PPP1R27: variants seen among roughly 807,000 people sequenced by gnomAD.
The protein encoded by PPP1R27 is dysferlin interacting protein 1.
PPP1R27 carries 10 observed loss-of-function variants against 12.0 expected under a neutral mutation model. The ratio of observed to expected loss-of-function variants is 0.84; its 90% CI spans 0.52 to 1.42. The LOEUF (loss-of-function observed/expected upper bound fraction) is 1.42. Among genes scored for constraint, PPP1R27 ranks in the 40% most tolerant of loss-of-function variants. The probability of loss-of-function intolerance (pLI) is 0.00; values close to 1 mark genes in which losing one functional copy is unlikely to be tolerated. For synonymous variants in PPP1R27, 98 were observed against 89.3 expected, an observed-to-expected ratio of 1.10 and a Z score of -0.55; for missense variants, 246 against 215.3, an observed-to-expected ratio of 1.14 and a Z score of -0.89.
At position 81,833,616 on chromosome 17, in the gene PPP1R27, G is replaced by C; in HGVS notation, c.*113C>G. On this transcript the variant is annotated 3_prime_UTR_variant, in exon 3 of 3. Coordinates refer to ENST00000330261, the MANE Select transcript of PPP1R27 (RefSeq NM_001007533.4). ...TAGGAGGGGTGGCGGGGTCGTGGAG[G>C]GACGGGTCCGGCCGCCCCTGGCCCA... 2 of 1,157,300 alleles carry C rather than the reference G, an allele frequency of 1.7e-6. No homozygotes were observed. The highest frequency in any genetic ancestry group is 1.6e-5 in the South Asian group (1 of 62,984). 71.7% of individuals were successfully genotyped at this position (1,157,300 alleles called of 1,614,324 possible).
rs1476826308 is a variant in PPP1R27 at position 81,834,995 on chromosome 17, C to T, written c.-42G>A. On this transcript the variant is annotated 5_prime_UTR_variant, in exon 1 of 3. Coordinates refer to ENST00000330261, the MANE Select transcript of PPP1R27 (RefSeq NM_001007533.4). ...CAGGTTGCCCCTGGGGACCCTACTGCACTGGGGTTAATAATGTATCCGGTC... is the reference window on the plus strand; with the variant it reads ...CAGGTTGCCCCTGGGGACCCTACTGTACTGGGGTTAATAATGTATCCGGTC... 6 of 1,522,350 alleles carry T rather than the reference C, an allele frequency of 3.9e-6. No individual in the cohort carries two copies. In the African/African-American group the frequency reaches 4.1e-5, roughly 10 times the overall value. The allele number at this position is 1,522,350 out of a possible 1,614,324, so 94.3% of individuals were successfully genotyped here. A position where few individuals can be genotyped will look rare whatever the true frequency, so the allele number is the denominator to read the frequency against.
rs1025391127 is a variant in PPP1R27, at chr17:81,833,569, C to A, written c.*160G>T. 6 of 698,526 alleles carry A rather than the reference C, an allele frequency of 8.6e-6. No homozygotes were observed. The highest frequency in any genetic ancestry group is 7.4e-5 in the African/African-American group (4 of 54,090). 43.3% of individuals were successfully genotyped at this position (698,526 alleles called of 1,614,324 possible). ...GTAAAAAGTGTCACAGTAAAAAATT[C>A]ACCTGGGGACAAAGCCAGGCCTAGG... On this transcript the variant is annotated 3_prime_UTR_variant, in exon 3 of 3. Coordinates refer to ENST00000330261, the MANE Select transcript of PPP1R27 (RefSeq NM_001007533.4).
intron 2 of PPP1R27, 195 bp from the exon 3 acceptor site, chr17:81,834,047 A>T: frequency 1.6e-6 from 1 of 609,610 alleles, no homozygotes; most frequent in Non-Finnish European, 2.8e-6. Context: ...GGTTCTATTG[A>T]GGACAAAGGC....
At position 81,833,545 on chromosome 17, in the gene PPP1R27, T is replaced by C. The variant is rs913578721; in HGVS notation, c.*184A>G. ...CTGGGAGTCACGTTTATTGAAAAAG[T>C]AAAAAGTGTCACAGTAAAAAATTCA... On this transcript the variant is annotated 3_prime_UTR_variant, in exon 3 of 3. Transcript: ENST00000330261. 8 of 608,086 alleles carry C rather than the reference T, an allele frequency of 1.3e-5. No individual in the cohort carries two copies. The highest frequency in any genetic ancestry group is 1.9e-5 in the African/African-American group (1 of 52,352). The allele number at this position is 608,086 out of a possible 1,614,324, so 37.7% of individuals were successfully genotyped here.
rs2038588951 is a variant in PPP1R27, at chr17:81,834,583, C to A, written c.261G>T (p.Gly87=). 1.9e-6 allele frequency: 3 copies of A among 1,614,200 alleles called. No homozygotes were observed. The East Asian group carries it at 6.7e-5, about 36-fold the overall frequency. Reference sequence around the variant, plus strand: ...CCTCATCTCGCTGGTGAATGTCAGCCCCGTATTTGACCAGCAGCTTCACGC... The same window carrying A: ...CCTCATCTCGCTGGTGAATGTCAGCACCGTATTTGACCAGCAGCTTCACGC... The part of the protein sequence containing the change: ...LECVKLLVKY[G]ADIHQRDEAG... Residue 87 remains glycine, a synonymous_variant, in exon 2 of 3, where the codon GGG becomes GGT. Transcript: ENST00000330261.
Position 81,835,017 on chromosome 17 carries a change from G to T in PPP1R27, c.-64C>A. On this transcript the variant is annotated 5_prime_UTR_variant, in exon 1 of 3. Transcript: ENST00000330261. ...CTGCACTGGGGTTAATAATGTATCC[G>T]GTCCCGACCAGATCAGCTTGAGGGC... 2 of 1,444,392 alleles carry T rather than the reference G, an allele frequency of 1.4e-6. No homozygotes were observed. The highest frequency in any genetic ancestry group is 1.4e-5 in the South Asian group (1 of 71,288). 89.5% of individuals were successfully genotyped at this position (1,444,392 alleles called of 1,614,324 possible).
intron 2 of PPP1R27, 53 bp downstream of exon 2, chr17:81,834,450 C>T (rs1426507565): frequency 6.3e-7 from 1 of 1,587,748 alleles, no homozygotes; most frequent in Non-Finnish European, 8.6e-7. Flanking sequence ...TGGGGACCCA[C>T]TGAGGCCCGG....
At position 81,834,653 on chromosome 17, in the gene PPP1R27, C is replaced by T; in HGVS notation, c.191G>A (p.Gly64Asp). 6.2e-7 allele frequency: 1 copy of T among 1,614,056 alleles called. No individual in the cohort carries two copies. Among genetic ancestry groups the T allele is most frequent in the Non-Finnish European group, 8.5e-7 (1 of 1,180,004 alleles). The change falls in exon 2 of 3, where the codon GGC (glycine) becomes GAC (aspartate). Residue 64 changes from glycine to aspartate, a missense_variant and splice_region_variant. By Grantham distance (94) the Gly-to-Asp change is moderately conservative (BLOSUM62 -1). Coordinates refer to ENST00000330261, the MANE Select transcript of PPP1R27 (RefSeq NM_001007533.4). Reference protein sequence around the residue: ...KVSLATIHPSGLAALHEAVLS... With the variant: ...KVSLATIHPSDLAALHEAVLS... ...CACGGCTTCATGCAAGGCGGCCAGG[C>T]CTGGGCAGGGAGGACGGGAGGGGTC...
At chr17:81,834,402 GCCGACA>G in intron 2 of PPP1R27, 95 bp downstream of exon 2, 1 of 1,396,824 alleles carries the variant, frequency 7.2e-7, no homozygotes, top group Non-Finnish European at 9.8e-7. Context: ...TAGGGTTCTT[GCCGACA>G]CCACCCGGGC....
chr17:81,834,973 G>A lies in PPP1R27; in HGVS notation c.-20C>T. ...AGGCATCTTGGGCGCTGTGGGGCAG[G>A]TTGCCCCTGGGGACCCTACTGCACT... On this transcript the variant is annotated 5_prime_UTR_variant, in exon 1 of 3. Coordinates refer to ENST00000330261, the MANE Select transcript of PPP1R27 (RefSeq NM_001007533.4). 6.3e-7 allele frequency: 1 copy of A among 1,575,652 alleles called. No homozygotes were observed. The highest frequency in any genetic ancestry group is 8.6e-7 in the Non-Finnish European group (1 of 1,162,686).
Position 81,834,594 on chromosome 17 carries a change from C to A in PPP1R27, c.250G>T (p.Val84Phe). The change falls in exon 2 of 3, where the codon GTC becomes TTC. Residue 84 changes from valine (V) to phenylalanine (F), a missense_variant. By Grantham distance (50) the Val-to-Phe change is conservative. Coordinates refer to ENST00000330261, the MANE Select transcript of PPP1R27 (RefSeq NM_001007533.4). ...SGNLECVKLLVKYGADIHQRD... is the reference protein window; with the variant it reads ...SGNLECVKLLFKYGADIHQRD... ...TGGTGAATGTCAGCCCCGTATTTGACCAGCAGCTTCACGCATTCCAGGTTT... is the reference window on the plus strand; with the variant it reads ...TGGTGAATGTCAGCCCCGTATTTGAACAGCAGCTTCACGCATTCCAGGTTT... 6.2e-7 allele frequency: 1 copy of A among 1,614,214 alleles called. No individual in the cohort carries two copies. The highest frequency in any genetic ancestry group is 8.5e-7 in the Non-Finnish European group (1 of 1,180,022).
chr17:81,834,496 C>T lies in PPP1R27; in HGVS notation c.341+7G>A, dbSNP rs763976724. ...TTCAAGCCTGTGTAGACCCAGGGCC[C>T]CCTCACCTGGCTATGTCAGGGTACC... On this transcript the variant is annotated splice_region_variant and intron_variant, in intron 2 of 2. Coordinates refer to ENST00000330261, the MANE Select transcript of PPP1R27 (RefSeq NM_001007533.4). The T allele has an allele frequency of 3.1e-6, 5 of 1,613,716 alleles. No individual in the cohort carries two copies. Among genetic ancestry groups the T allele is most frequent in the Non-Finnish European group, 4.2e-6 (5 of 1,179,952 alleles).
In PPP1R27 at chr17:81,833,728, C is replaced by G. The variant is rs1445717758; in HGVS notation, c.*1G>C. On this transcript the variant is annotated 3_prime_UTR_variant, in exon 3 of 3. Transcript: ENST00000330261. ...CGCGGGGGCGGGCGGGCAAAGCTGG[C>G]TCAGTCCATCGTGGTCCCTTTGAAG... is the stretch of plus-strand genomic sequence containing the variant. 6.5e-7 allele frequency: 1 copy of G among 1,548,874 alleles called. No individual in the cohort carries two copies. Among genetic ancestry groups the G allele is most frequent in the Non-Finnish European group, 8.7e-7 (1 of 1,146,944 alleles).
intron 2 of PPP1R27, 94 bp from the exon 3 acceptor site, chr17:81,833,946 T>A: frequency 2.1e-6 from 3 of 1,422,976 alleles, no homozygotes; most frequent in Non-Finnish European, 1.9e-6. Flanking sequence ...TGGGGTCACC[T>A]GTGTGTCCCC....
At position 81,833,504 on chromosome 17, in the gene PPP1R27, A is replaced by C. The variant is rs1057406245; in HGVS notation, c.*225T>G. 1.9e-6 allele frequency: 1 copy of C among 533,872 alleles called. No homozygotes were observed. The highest frequency in any genetic ancestry group is 3.3e-6 in the Non-Finnish European group (1 of 299,890). 33.1% of individuals were successfully genotyped at this position (533,872 alleles called of 1,614,324 possible). On this transcript the variant is annotated 3_prime_UTR_variant, in exon 3 of 3. Coordinates refer to ENST00000330261, the MANE Select transcript of PPP1R27 (RefSeq NM_001007533.4). ...ACCACCACAGGGACCACGTGTGTAGACCCAGGCCCCCTCACCTGGGAGTCA... is the reference window on the plus strand; with the variant it reads ...ACCACCACAGGGACCACGTGTGTAGCCCCAGGCCCCCTCACCTGGGAGTCA...
rs368219302 is a variant in PPP1R27, at chr17:81,834,753, G to C, written c.190+11C>G. 2.0e-5 allele frequency: 33 copies of C among 1,610,400 alleles called. No individual in the cohort carries two copies. In the African/African-American group the frequency reaches 3.9e-4, roughly 19 times the overall value. On this transcript the variant is annotated intron_variant, in intron 1 of 2. Transcript: ENST00000330261. ...CACAGGCCCTGGCCAGCTCTTCCAG[G>C]CTTTGCTCACCTGAGGGGTGGATGG...
rs1312103798 is a variant in PPP1R27, at chr17:81,834,468, G to A, written c.341+35C>T. 7 of 1,604,786 alleles carry A rather than the reference G, an allele frequency of 4.4e-6. No individual in the cohort carries two copies. The South Asian group carries it at 5.5e-5, about 13-fold the overall frequency. On this transcript the variant is annotated intron_variant, in intron 2 of 2. Coordinates refer to ENST00000330261, the MANE Select transcript of PPP1R27 (RefSeq NM_001007533.4). ...GGACCCACTGAGGCCCGGAGGGGTC[G>A]GGTTCAAGCCTGTGTAGACCCAGGG... is the stretch of plus-strand genomic sequence containing the variant.
At position 81,834,809 on chromosome 17, in the gene PPP1R27, A is replaced by G. The variant is rs2038593249; in HGVS notation, c.145T>C (p.Phe49Leu). Residue 49 changes from phenylalanine to leucine, a missense_variant, in exon 1 of 3, where the codon TTC (phenylalanine) becomes CTC (leucine). Physicochemically the swap from Phe to Leu is conservative, Grantham distance 22 (BLOSUM62 0). Transcript: ENST00000330261. ...RQGDLEQVGR[F>L]IRTRKVSLAT... is the part of the protein sequence containing the mutation. ...AGGGAGACTTTCCGAGTCCGGATGA[A>G]GCGCCCCACCTGCTCCAGGTCACCC... The G allele has an allele frequency of 1.2e-6, 2 of 1,613,540 alleles. No homozygotes were observed. Among genetic ancestry groups the G allele is most frequent in the African/African-American group, 2.7e-5 (2 of 75,060 alleles).
At chr17:81,833,964 G>A (rs566596305) in intron 2 of PPP1R27, 112 bp from the exon 3 acceptor site, 2 of 1,289,288 alleles carry the variant, frequency 1.6e-6, no homozygotes, top group Admixed American at 4.8e-5. Flanking sequence ...CCCCACCTTG[G>A]GGTCCTAAGG....
Sources: allele counts gnomAD v4.1 joint callset, GRCh38; gene constraint gnomAD v4.1.1; transcripts MANE v1.5; gene names NCBI Gene and HGNC (gene_info 2026-07-23, HGNC 2026-07-21).